Variants in MLLT3 observed in about 807,000 individuals in gnomAD.
The protein encoded by MLLT3 is MLLT3 super elongation complex subunit.
MLLT3 carries 4 observed loss-of-function variants against 53.2 expected under a neutral mutation model. The ratio of observed to expected loss-of-function variants is 0.08; its 90% CI spans 0.04 to 0.17. MLLT3 has a LOEUF of 0.17. Ranked by LOEUF, MLLT3 falls within the 10% of genes least tolerant of loss-of-function variation. The pLI, the probability that MLLT3 is intolerant of heterozygous loss-of-function variation, is 1.00. For missense variants in MLLT3, 569 were observed against 684.0 expected, an observed-to-expected ratio of 0.83 and a Z score of 1.87; for synonymous variants, 283 against 230.6, an observed-to-expected ratio of 1.23 and a Z score of -2.06.
At chr9:20,594,356 C>T (rs1407447952) in intron 2 of MLLT3, among the ~76,000 whole-genome samples, 1 of 152,124 alleles carries the variant, frequency 6.6e-6, no homozygotes, top group East Asian at 1.9e-4. Context: ...TCCTCTCTAC[C>T]CTGAATACAA....
chr9:20,578,175 A>G (rs1011516746), intron 2 of MLLT3, among the ~76,000 whole-genome samples: 1 of 152,244 alleles, frequency 6.6e-6, no homozygotes, highest in African/African-American at 2.4e-5. Context: ...TACTACAGTC[A>G]GCTCTTCTGC....
intron 4 of MLLT3, among the ~76,000 whole-genome samples, chr9:20,423,856 C>T (rs533938330): frequency 7.3e-5 from 11 of 151,516 alleles, no homozygotes; most frequent in East Asian, 3.9e-4. Context: ...CAGCTACTCG[C>T]GAGGGGTGAG....
chr9:20,595,531 C>G (rs899267345), intron 2 of MLLT3, among the ~76,000 whole-genome samples: 1 of 151,888 alleles, frequency 6.6e-6, no homozygotes, highest in Admixed American at 6.6e-5. Context: ...AAACCATAAA[C>G]AGGAAAAATA....
At chr9:20,576,009 G>A (rs888256274) in intron 2 of MLLT3, among the ~76,000 whole-genome samples, 1 of 152,170 alleles carries the variant, frequency 6.6e-6, no homozygotes, top group Non-Finnish European at 1.5e-5. Flanking sequence ...AAAATCTGTT[G>A]TTTAGTGTAG....
chr9:20,595,400 T>C (rs112754895), intron 2 of MLLT3, among the ~76,000 whole-genome samples: 3 of 152,040 alleles, frequency 2.0e-5, no homozygotes, highest in African/African-American at 7.2e-5. Context: ...TAAAAATTAC[T>C]GGAAAAATAA....
chr9:20,580,665 T>G (rs924499642), intron 2 of MLLT3, among the ~76,000 whole-genome samples: 1 of 152,192 alleles, frequency 6.6e-6, no homozygotes, highest in Non-Finnish European at 1.5e-5. Flanking sequence ...ATAGTTTTCC[T>G]TTCACATAGG....
chr9:20,527,308 C>G (rs1368422228), intron 2 of MLLT3, among the ~76,000 whole-genome samples: 1 of 152,108 alleles, frequency 6.6e-6, no homozygotes, highest in Non-Finnish European at 1.5e-5. Context: ...AAATTCAACT[C>G]AGAATGAGCC....
intron 2 of MLLT3, among the ~76,000 whole-genome samples, chr9:20,508,835 A>T (rs2118956446): frequency 6.6e-6 from 1 of 152,346 alleles, no homozygotes; most frequent in Admixed American, 6.5e-5. Context: ...ACTGAAAAAC[A>T]TTTCCATTTT....
chr9:20,452,857 G>A (rs1017276059), intron 3 of MLLT3, among the ~76,000 whole-genome samples: 4 of 152,154 alleles, frequency 2.6e-5, no homozygotes, highest in South Asian at 2.1e-4. Flanking sequence ...ACCATGGGCT[G>A]GGGAGAGAGG....
At chr9:20,375,073 T>C (rs1387201725) in intron 5 of MLLT3, among the ~76,000 whole-genome samples, 6 of 152,212 alleles carry the variant, frequency 3.9e-5, no homozygotes, top group Non-Finnish European at 7.3e-5. Flanking sequence ...ACCAGATTCC[T>C]TGTTGGACTT....
At chr9:20,567,834 G>A (rs146593794) in intron 2 of MLLT3, among the ~76,000 whole-genome samples, 3 of 152,046 alleles carry the variant, frequency 2.0e-5, no homozygotes, top group Admixed American at 6.6e-5. Flanking sequence ...AAACTAACAG[G>A]TCTTCATTCC....
intron 2 of MLLT3, among the ~76,000 whole-genome samples, chr9:20,575,109 C>T (rs1819621424): frequency 6.6e-6 from 1 of 152,134 alleles, no homozygotes; most frequent in Non-Finnish European, 1.5e-5. Flanking sequence ...CTTCTCTTTC[C>T]ACCACATTTT....
intron 2 of MLLT3, among the ~76,000 whole-genome samples, chr9:20,565,968 T>A (rs10964608): frequency 0.033 from 1,060 of 32,186 alleles, 8 homozygotes; most frequent in African/African-American, 0.049. Flanking sequence ...ATATATATAT[T>A]TATATATATA....
chr9:20,516,271 T>G (rs757913829), intron 2 of MLLT3, among the ~76,000 whole-genome samples: 1 of 152,216 alleles, frequency 6.6e-6, no homozygotes, highest in Non-Finnish European at 1.5e-5. Context: ...GCACAAACGA[T>G]ATTGTGACTT....
At position 20,347,155 on chromosome 9, in the gene MLLT3, C is replaced by T. The variant is rs116141315; in HGVS notation, c.1576-581G>A. Reference sequence around the variant, plus strand: ...CTTAACAGATAGTGACCAGAGGGGGCTCAAGGGAGCCTTCTAGAGTACTGG... The same window carrying T: ...CTTAACAGATAGTGACCAGAGGGGGTTCAAGGGAGCCTTCTAGAGTACTGG... On this transcript the variant is annotated intron_variant, in intron 10 of 10. Coordinates refer to ENST00000380338, the MANE Select transcript of MLLT3 (RefSeq NM_004529.4). Among the ~76,000 whole-genome samples, 878 of 150,656 alleles carry T rather than the reference C, an allele frequency of 5.8e-3. 12 individuals are homozygous for T. Among genetic ancestry groups the T allele is most frequent in the African/African-American group, 0.02 (841 of 41,050 alleles).
chr9:20,615,193 C>T (rs1021968269), intron 2 of MLLT3, among the ~76,000 whole-genome samples: 7 of 151,560 alleles, frequency 4.6e-5, no homozygotes, highest in African/African-American at 1.5e-4. Flanking sequence ...AAAACACACA[C>T]ACACACAAAC....
chr9:20,571,480 G>A (rs1277224879), intron 2 of MLLT3, among the ~76,000 whole-genome samples: 1 of 152,160 alleles, frequency 6.6e-6, no homozygotes, highest in Non-Finnish European at 1.5e-5. Flanking sequence ...TGGGATACAT[G>A]TGCAGAACAT....
At chr9:20,582,779 A>G (rs1307118699) in intron 2 of MLLT3, among the ~76,000 whole-genome samples, 1 of 152,136 alleles carries the variant, frequency 6.6e-6, no homozygotes, top group East Asian at 1.9e-4. Context: ...ATAACACAGG[A>G]AAGACCGGCC....
intron 5 of MLLT3, among the ~76,000 whole-genome samples, chr9:20,374,522 A>C (rs1354801382): frequency 1.3e-5 from 2 of 152,106 alleles, no homozygotes; most frequent in African/African-American, 4.8e-5. Context: ...GGCCAAATTT[A>C]AACAAAGAAG....
Sources: allele counts gnomAD v4.1 joint callset (sites outside exome capture counted in the v4.1 genomes callset), GRCh38; gene constraint gnomAD v4.1.1; transcripts MANE v1.5; gene names NCBI Gene and HGNC (gene_info 2026-07-23, HGNC 2026-07-21).